Variants in GTPBP6 observed in about 807,000 individuals in gnomAD.
The protein encoded by GTPBP6 is putative GTP-binding protein 6.
A neutral mutation model predicts 28.9 loss-of-function variants in GTPBP6; 33 were observed. The observed-to-expected ratio is 1.14, with a 90% CI of 0.87 to 1.53. The LOEUF is 1.53. Ranked by LOEUF, GTPBP6 falls within the 40% of genes most tolerant of loss-of-function variation. The pLI is 0.00. For missense variants in GTPBP6, 507 were observed against 408.3 expected (o/e 1.24, Z -2.08); for synonymous variants, 231 against 192.7 (o/e 1.20, Z -1.65).
rs373312702 is a variant in GTPBP6, at chrX:314,142, C to T, written c.757+8G>A. The T allele has an allele frequency of 3.6e-5, 58 of 1,610,492 alleles. 1 individual carries two copies. Among genetic ancestry groups the T allele is most frequent in the African/African-American group, 1.2e-4 (9 of 74,400 alleles). On this transcript the variant is annotated splice_region_variant and intron_variant, in intron 5 of 9. Transcript: ENST00000326153. ...ACCCTCTGGGACGCCGCGCCCGGCC[C>T]GAGTTACCTGACCCCATGATGTAGC...
At position 315,006 on chromosome X, in the gene GTPBP6, G is replaced by A. The variant is rs1289335653; in HGVS notation, c.573C>T (p.Ala191=). 286 of 398,658 alleles carry A rather than the reference G, an allele frequency of 7.2e-4. 4 individuals carry two copies. In the South Asian group the frequency reaches 0.027, roughly 38 times the overall value. 24.7% of individuals were successfully genotyped at this position (398,658 alleles called of 1,614,324 possible). ...GGTCAAACACCTCCACGCCCCAGGCGGCTTCCAGTTCTTTCTGCAAAAGGA... is the reference window on the plus strand; with the variant it reads ...GGTCAAACACCTCCACGCCCCAGGCAGCTTCCAGTTCTTTCTGCAAAAGGA... Residue 191 remains alanine, a synonymous_variant, in exon 4 of 10, where the codon GCC becomes GCT. Transcript: ENST00000326153.
At chrX:313,890 G>A (rs1384592515) in intron 5 of GTPBP6, among the ~76,000 whole-genome samples, 2 of 151,856 alleles carry the variant, frequency 1.3e-5, no homozygotes, top group Admixed American at 1.3e-4. Context: ...CCAGTTTGTG[G>A]CTACTGATTT....
At chrX:309,618 A>AG in intron 7 of GTPBP6, among the ~76,000 whole-genome samples, 1 of 152,132 alleles carries the variant, frequency 6.6e-6, no homozygotes, top group Admixed American at 6.5e-5. Flanking sequence ...ACAGACACAG[A>AG]GAAGGCCACG....
intron 5 of GTPBP6, among the ~76,000 whole-genome samples, chrX:313,418 G>A (rs1472028476): frequency 2.6e-5 from 4 of 152,048 alleles, no homozygotes; most frequent in Non-Finnish European, 5.9e-5. Context: ...AGCCTGGGAC[G>A]CCTGGAGCCC....
At chrX:317,180 C>G (rs9652797) in intron 1 of GTPBP6, 129 bp from the exon 2 acceptor site, 11,910 of 397,904 alleles carry the variant, frequency 0.03, 1,158 homozygotes, top group African/African-American at 0.22. Context: ...CGCCGTTTGT[C>G]CCCCGATATG....
At chrX:311,122 C>T (rs1383010997) in intron 7 of GTPBP6, among the ~76,000 whole-genome samples, 9 of 151,854 alleles carry the variant, frequency 5.9e-5, no homozygotes, top group African/African-American at 1.7e-4. Flanking sequence ...CGCCCGGGGA[C>T]GTGGGAGGCT....
exon 6 of GTPBP6, chrX:312,797 G>A (rs367777349): frequency 2.8e-5 from 45 of 1,612,508 alleles, no homozygotes; most frequent in Middle Eastern, 3.9e-4. Flanking sequence ...CGGAGATCAC[G>A]GGGAACTCCC....
exon 1 of GTPBP6, chrX:318,554 C>T (rs1356682554): frequency 1.0e-5 from 4 of 398,414 alleles, no homozygotes; most frequent in East Asian, 3.6e-5. Flanking sequence ...CCTCGGCGTT[C>T]TCGTCCGCAT....
At chrX:314,207 T>C (rs757241080) in exon 5 of GTPBP6, 2 of 1,613,356 alleles carry the variant, frequency 1.2e-6, no homozygotes, top group African/African-American at 2.7e-5. Flanking sequence ...ACGTCCCTTT[T>C]CAAGTTCGAC....
Position 313,377 on chromosome X carries a change from A to G in GTPBP6, c.758-453T>C, listed in dbSNP as rs150498198. ...CTAAGGCAACGACCTGTGTCCTTCT[A>G]AGAAGCAGAGACCGGAGTGACGAGG... On this transcript the variant is annotated intron_variant, in intron 5 of 9. Coordinates refer to ENST00000326153, the Ensembl canonical transcript of GTPBP6. 4.6e-3 allele frequency among the ~76,000 whole-genome samples: 705 copies of G among 152,238 alleles called. 6 individuals carry two copies. The highest frequency in any genetic ancestry group is 0.016 in the African/African-American group (685 of 41,564).
chrX:315,687 C>CGCAG (rs2070421103), intron 2 of GTPBP6, among the ~76,000 whole-genome samples: 1 of 11,156 alleles, frequency 9.0e-5, no homozygotes, highest in African/African-American at 3.6e-4. Flanking sequence ...CAAACACATA[C>CGCAG]ACACACACAC....
intron 7 of GTPBP6, among the ~76,000 whole-genome samples, chrX:311,087 A>C (rs2070277955): frequency 6.6e-6 from 1 of 151,758 alleles, no homozygotes; most frequent in South Asian, 2.1e-4. Flanking sequence ...AGTGTCGGTG[A>C]GGCTGGGGCA....
intron 1 of GTPBP6, among the ~76,000 whole-genome samples, chrX:318,105 C>T (rs2070474110): frequency 6.6e-6 from 1 of 151,198 alleles, no homozygotes; most frequent in Non-Finnish European, 1.5e-5. Context: ...AAAGCCCCGC[C>T]CTGGGTCTCC....
intron 9 of GTPBP6, among the ~76,000 whole-genome samples, 186 bp downstream of exon 9, chrX:307,174 A>T (rs1242756137): frequency 1.6e-5 from 2 of 125,078 alleles, no homozygotes; most frequent in African/African-American, 1.1e-4. Flanking sequence ...TCTCAAGCGC[A>T]GATTAGGCAC....
intron 7 of GTPBP6, among the ~76,000 whole-genome samples, chrX:310,271 G>C (rs1488978381): frequency 2.7e-5 from 4 of 148,698 alleles, no homozygotes; most frequent in African/African-American, 1.0e-4. Flanking sequence ...GTCCTTCTAA[G>C]AGACAGAAGA....
At chrX:305,617 G>A (rs181209727) in intron 9 of GTPBP6, among the ~76,000 whole-genome samples, 2,475 of 137,036 alleles carry the variant, frequency 0.018, 161 homozygotes, top group African/African-American at 0.069. Context: ...CACTGCGCCC[G>A]GCTTTTTATT....
chrX:305,952 G>A (rs1243237229), intron 9 of GTPBP6, among the ~76,000 whole-genome samples: 4 of 152,032 alleles, frequency 2.6e-5, no homozygotes, highest in African/African-American at 9.7e-5. Flanking sequence ...TGTAGAGATG[G>A]GGTCTCACCA....
exon 7 of GTPBP6, chrX:311,505 A>G: frequency 6.2e-7 from 1 of 1,612,312 alleles, no homozygotes; most frequent in African/African-American, 1.3e-5. Context: ...GTGTCCACGT[A>G]CAGGACGGTC....
At chrX:308,288 A>C (rs1235859556) in intron 7 of GTPBP6, among the ~76,000 whole-genome samples, 1 of 152,194 alleles carries the variant, frequency 6.6e-6, no homozygotes, top group East Asian at 1.9e-4. Flanking sequence ...GTTCAAAAAA[A>C]ATCTTACAGG....
Sources: allele counts gnomAD v4.1 joint callset (sites outside exome capture counted in the v4.1 genomes callset), GRCh38; gene constraint gnomAD v4.1.1; transcripts MANE v1.5; gene names NCBI Gene and HGNC (gene_info 2026-07-23, HGNC 2026-07-21).